TMEM117: variants seen among roughly 807,000 people sequenced by gnomAD.
TMEM117 encodes the protein transmembrane protein 117.
In TMEM117, 27 loss-of-function variants were observed where a neutral mutation model predicts 52.4. The ratio of observed to expected loss-of-function variants is 0.51; its 90% CI spans 0.38 to 0.71. The LOEUF is 0.71. TMEM117 is among the 30% of genes least tolerant of loss of function. TMEM117 has a pLI of 0.00. For synonymous variants in TMEM117, 215 were observed against 206.3 expected (o/e 1.04, Z -0.36); for missense variants, 556 against 630.5 (o/e 0.88, Z 1.26).
At position 44,081,157 on chromosome 12, in the gene TMEM117, GATAA is replaced by G. The variant is rs140940270; in HGVS notation, c.411-62361_411-62358del. Among the ~76,000 whole-genome samples, 496 of 152,260 alleles carry G rather than the reference GATAA, an allele frequency of 3.3e-3. 3 individuals carry two copies. Among genetic ancestry groups the G allele is most frequent in the African/African-American group, 0.011 (471 of 41,564 alleles). ...CCAGTAAGTATTTTTTGAAGAAATA[GATAA>G]ATAAATTCACACATGAAGCAGAAAA... On this transcript the variant is annotated intron_variant, in intron 3 of 7. Transcript: ENST00000266534.
At chr12:43,992,484 G>T (rs899987070) in intron 3 of TMEM117, among the ~76,000 whole-genome samples, 8 of 152,018 alleles carry the variant, frequency 5.3e-5, no homozygotes, top group African/African-American at 1.7e-4. Flanking sequence ...TCACCATGTT[G>T]CCCAGGCTGG....
intron 3 of TMEM117, among the ~76,000 whole-genome samples, chr12:43,988,553 C>T (rs770136891): frequency 6.6e-6 from 1 of 152,010 alleles, no homozygotes; most frequent in African/African-American, 2.4e-5. Flanking sequence ...GACTGTAATG[C>T]ATTGGAAAAT....
At chr12:43,934,517 C>T (rs1221247190) in intron 2 of TMEM117, among the ~76,000 whole-genome samples, 1 of 152,122 alleles carries the variant, frequency 6.6e-6, no homozygotes, top group Admixed American at 6.5e-5. Context: ...TTGAAATTGA[C>T]ATTAACTTTA....
chr12:44,251,433 A>G (rs900101940), intron 5 of TMEM117, among the ~76,000 whole-genome samples: 1 of 152,098 alleles, frequency 6.6e-6, no homozygotes, highest in African/African-American at 2.4e-5. Flanking sequence ...CTTTTTTTAT[A>G]TTGATGAAAT....
intron 6 of TMEM117, among the ~76,000 whole-genome samples, chr12:44,307,413 T>C (rs574812358): frequency 2.8e-4 from 43 of 152,348 alleles, no homozygotes; most frequent in African/African-American, 1.0e-3. Flanking sequence ...AAGTTCCTCT[T>C]TACATGTGTT....
At chr12:43,848,707 T>G (rs1303403272) in intron 2 of TMEM117, among the ~76,000 whole-genome samples, 1 of 152,202 alleles carries the variant, frequency 6.6e-6, no homozygotes, top group Admixed American at 6.5e-5. Flanking sequence ...TGAGGTGACA[T>G]ACATCCTCAG....
chr12:44,091,636 G>C (rs142394430), intron 3 of TMEM117, among the ~76,000 whole-genome samples: 3 of 152,214 alleles, frequency 2.0e-5, no homozygotes, highest in Non-Finnish European at 4.4e-5. Context: ...CAGAAGGGGG[G>C]AATATTTCTA....
chr12:43,917,005 CT>C (rs961878244), intron 2 of TMEM117, among the ~76,000 whole-genome samples: 1 of 149,190 alleles, frequency 6.7e-6, no homozygotes, highest in African/African-American at 2.4e-5. Flanking sequence ...CATTAGTTAC[CT>C]TAACCATTTA....
the TMEM117 span, chr12:43,800,345 A>G: frequency 1.2e-6 from 1 of 851,580 alleles, no homozygotes; most frequent in Non-Finnish European, 1.9e-6. Flanking sequence ...CAGATTATCC[A>G]TCTGAATTCG....
chr12:44,251,414 G>A (rs1346400262), intron 5 of TMEM117, among the ~76,000 whole-genome samples: 2 of 152,006 alleles, frequency 1.3e-5, no homozygotes, highest in Non-Finnish European at 2.9e-5. Flanking sequence ...TAAGGCCATC[G>A]GTTGGATGCT....
chr12:43,846,219 T>C (rs571232634), intron 2 of TMEM117, among the ~76,000 whole-genome samples: 1 of 152,226 alleles, frequency 6.6e-6, no homozygotes, highest in African/African-American at 2.4e-5. Context: ...TTAGTTTAAG[T>C]TAAAAAGGTA....
intron 2 of TMEM117, among the ~76,000 whole-genome samples, chr12:43,881,003 A>G (rs1565732529): frequency 1.3e-5 from 2 of 152,356 alleles, no homozygotes; most frequent in South Asian, 2.1e-4. Flanking sequence ...AGCTGGTTGA[A>G]TAGAGAATTC....
In TMEM117 at chr12:44,388,709, C is replaced by A; in HGVS notation, c.*37C>A. 4 of 1,588,020 alleles carry A rather than the reference C, an allele frequency of 2.5e-6. No homozygotes were observed. Among genetic ancestry groups the A allele is most frequent in the Non-Finnish European group, 2.6e-6 (3 of 1,168,632 alleles). On this transcript the variant is annotated 3_prime_UTR_variant, in exon 8 of 8. Transcript: ENST00000266534. ...GACTTGGAGATAACACAAAAAGCAA[C>A]CTTGAGTGTAACTTTAAAAATTTAG...
intron 3 of TMEM117, among the ~76,000 whole-genome samples, chr12:43,953,267 C>T (rs555052042): frequency 2.4e-4 from 36 of 152,214 alleles, no homozygotes; most frequent in African/African-American, 8.4e-4. Flanking sequence ...AACCAGCCAC[C>T]ATCATGATGA....
At chr12:44,058,863 T>C (rs999269856) in intron 3 of TMEM117, among the ~76,000 whole-genome samples, 1 of 147,442 alleles carries the variant, frequency 6.8e-6, no homozygotes, top group Non-Finnish European at 1.5e-5. Flanking sequence ...GGAAATGATA[T>C]GTTTTAGTTT....
At chr12:44,245,214 T>G (rs533584277) in intron 5 of TMEM117, among the ~76,000 whole-genome samples, 3 of 152,028 alleles carry the variant, frequency 2.0e-5, no homozygotes, top group Non-Finnish European at 4.4e-5. Flanking sequence ...TTTTAGAGTT[T>G]TTTTTTCTCT....
rs142676634 is a variant in TMEM117 at position 44,052,585 on chromosome 12, A to C, written c.411-90940A>C. Among the ~76,000 whole-genome samples, 13 of 152,166 alleles carry C rather than the reference A, an allele frequency of 8.5e-5. No individual in the cohort carries two copies. The East Asian group carries it at 2.5e-3, about 29-fold the overall frequency. ...GGTGAATAAACCTCTTTGGCTGGTC[A>C]CTTATGTTTCTACCCTCATTTCCCA... is the stretch of plus-strand genomic sequence containing the variant. On this transcript the variant is annotated intron_variant, in intron 3 of 7. Coordinates refer to ENST00000266534, the MANE Select transcript of TMEM117 (RefSeq NM_032256.3).
At chr12:43,910,088 A>G (rs1376507342) in intron 2 of TMEM117, among the ~76,000 whole-genome samples, 3 of 111,606 alleles carry the variant, frequency 2.7e-5, no homozygotes, top group Non-Finnish European at 5.6e-5. Flanking sequence ...TGATGCAAAA[A>G]TCCTCAATAA....
intron 4 of TMEM117, among the ~76,000 whole-genome samples, chr12:44,160,911 G>A (rs1489246531): frequency 6.6e-6 from 1 of 152,170 alleles, no homozygotes; most frequent in Non-Finnish European, 1.5e-5. Context: ...TTGAATCCAT[G>A]TGCTAAAGCC....
Sources: gnomAD v4.1 joint callset for allele counts (sites outside exome capture counted in the v4.1 genomes callset) on GRCh38, gnomAD v4.1.1 for gene constraint, MANE v1.5 for transcripts, NCBI Gene and HGNC (gene_info 2026-07-23, HGNC 2026-07-21) for gene names.